RIC3: variants seen among roughly 807,000 people sequenced by gnomAD.
The protein encoded by RIC3 is protein RIC-3.
RIC3 carries 28 observed loss-of-function variants against 27.3 expected under a neutral mutation model. That is an observed-to-expected ratio of 1.02 (90% CI 0.76 to 1.41). The LOEUF (loss-of-function observed/expected upper bound fraction) is 1.41, where lower values mean the gene tolerates loss of function less well. Ranked by LOEUF, RIC3 falls within the 40% of genes most tolerant of loss-of-function variation. RIC3 has a pLI of 0.00. For synonymous variants in RIC3, 184 were observed against 160.4 expected, an observed-to-expected ratio of 1.15 and a Z score of -1.11; for missense variants, 501 against 444.7, an observed-to-expected ratio of 1.13 and a Z score of -1.14.
chr11:8,147,667 G>C (rs1313451010), intron 1 of RIC3, among the ~76,000 whole-genome samples: 3 of 151,902 alleles, frequency 2.0e-5, no homozygotes, highest in South Asian at 2.1e-4. Flanking sequence ...CCTCTGATGA[G>C]ACTTCACTGT....
chr11:8,097,937 T>C, the RIC3 span: 2 of 768,480 alleles, frequency 2.6e-6, no homozygotes, highest in Non-Finnish European at 4.3e-6. Context: ...GGATGGATAC[T>C]CTCCCAGGAT....
the RIC3 span, chr11:8,097,316 C>T: frequency 9.3e-6 from 15 of 1,614,006 alleles, no homozygotes; most frequent in East Asian, 1.6e-4. Context: ...CTGAGGCCGG[C>T]CCCCCAGGGT....
intron 5 of RIC3, among the ~76,000 whole-genome samples, chr11:8,126,185 A>G (rs1395332050): frequency 6.6e-6 from 1 of 152,250 alleles, no homozygotes; most frequent in Non-Finnish European, 1.5e-5. Flanking sequence ...GTGCAAAGCT[A>G]GGAATAACCC....
At chr11:8,154,109 A>G (rs1950470310) in intron 1 of RIC3, among the ~76,000 whole-genome samples, 1 of 152,100 alleles carries the variant, frequency 6.6e-6, no homozygotes, top group Non-Finnish European at 1.5e-5. Context: ...TTTTTTTTAC[A>G]AAAGAAAAAT....
the RIC3 span, chr11:8,095,405 C>A: frequency 7.4e-7 from 1 of 1,359,060 alleles, no homozygotes; most frequent in East Asian, 2.3e-5. Context: ...GAGGGTTTCC[C>A]CACTCTTCCC....
At chr11:8,133,335 C>T (rs967594659) in intron 4 of RIC3, among the ~76,000 whole-genome samples, 8 of 152,208 alleles carry the variant, frequency 5.3e-5, no homozygotes, top group African/African-American at 1.9e-4. Context: ...GTTATACCAA[C>T]AGAAAACATA....
chr11:8,112,909 T>C (rs1193559541), intron 5 of RIC3, among the ~76,000 whole-genome samples: 2 of 152,226 alleles, frequency 1.3e-5, no homozygotes, highest in African/African-American at 4.8e-5. Flanking sequence ...ATATGAAAAC[T>C]AGACCAAAGG....
At chr11:8,122,957 G>A (rs1053851931) in intron 5 of RIC3, among the ~76,000 whole-genome samples, 1 of 149,604 alleles carries the variant, frequency 6.7e-6, no homozygotes, top group Admixed American at 6.7e-5. Flanking sequence ...CATGGATGAT[G>A]AAATTAGCAA....
chr11:8,093,966 G>C, the RIC3 span: 2 of 1,566,952 alleles, frequency 1.3e-6, no homozygotes, highest in Non-Finnish European at 1.8e-6. Context: ...ATGCTGTGCT[G>C]GGGACTGTGT....
At chr11:8,151,236 T>C (rs1950188483) in intron 1 of RIC3, among the ~76,000 whole-genome samples, 2 of 152,160 alleles carry the variant, frequency 1.3e-5, no homozygotes, top group South Asian at 2.1e-4. Context: ...TTGCTAATCA[T>C]GTATCTGAAA....
chr11:8,157,834 C>T (rs1186053132), intron 1 of RIC3, among the ~76,000 whole-genome samples: 1 of 152,114 alleles, frequency 6.6e-6, no homozygotes, highest in African/African-American at 2.4e-5. Context: ...TATTCCATAC[C>T]CACTTACCTG....
In RIC3 at chr11:8,110,615, C is replaced by T. The variant is rs1945130373; in HGVS notation, c.*83G>A. The T allele has an allele frequency of 3.3e-6, 4 of 1,219,132 alleles. No homozygotes were observed. In the South Asian group the frequency reaches 4.8e-5, roughly 15 times the overall value. 75.5% of individuals were successfully genotyped at this position (1,219,132 alleles called of 1,614,324 possible). A position where few individuals can be genotyped will look rare whatever the true frequency, so the allele number is the denominator to read the frequency against. ...ACACTTGAACACAGTGAAGAAAGTG[C>T]AGGGCACAGGGCCAAGAAGGAAATC... On this transcript the variant is annotated 3_prime_UTR_variant, in exon 6 of 6. Coordinates refer to ENST00000309737, the MANE Select transcript of RIC3 (RefSeq NM_001206671.4).
intron 1 of RIC3, among the ~76,000 whole-genome samples, chr11:8,165,996 C>T (rs1376069228): frequency 6.6e-6 from 1 of 151,992 alleles, no homozygotes; most frequent in Non-Finnish European, 1.5e-5. Flanking sequence ...GTTATGTGGC[C>T]CAAGCTGGTC....
Position 8,107,415 on chromosome 11 carries a change from TTTTG to T in RIC3, c.*3279_*3282del, listed in dbSNP as rs1944783133. The T allele has an allele frequency of 6.6e-6, 1 of 151,978 alleles. No homozygotes were observed. The highest frequency in any genetic ancestry group is 1.5e-5 in the Non-Finnish European group (1 of 67,976). The allele number at this position is 151,978 out of a possible 1,614,324, so 9.4% of individuals were successfully genotyped here. A position where few individuals can be genotyped will look rare whatever the true frequency, so the allele number is the denominator to read the frequency against. ...AGGATATTCTAAAAAGGAAAGAGGG[TTTTG>T]TTTGTTTAGTCATCAGGTTCAAAAA... On this transcript the variant is annotated 3_prime_UTR_variant, in exon 6 of 6. Coordinates refer to ENST00000309737, the MANE Select transcript of RIC3 (RefSeq NM_001206671.4).
At chr11:8,116,375 A>G (rs560173545) in intron 5 of RIC3, among the ~76,000 whole-genome samples, 71 of 152,346 alleles carry the variant, frequency 4.7e-4, no homozygotes, top group African/African-American at 1.7e-3. Context: ...GGTCTGGACA[A>G]TGATATTTTT....
chr11:8,148,438 A>G (rs1328119285), intron 1 of RIC3, among the ~76,000 whole-genome samples: 2 of 152,236 alleles, frequency 1.3e-5, no homozygotes, highest in African/African-American at 4.8e-5. Context: ...AGAATCTATC[A>G]GGTGGCTAAT....
chr11:8,150,412 G>A (rs537481702), intron 1 of RIC3, among the ~76,000 whole-genome samples: 16 of 152,318 alleles, frequency 1.1e-4, no homozygotes, highest in African/African-American at 3.8e-4. Flanking sequence ...GTTTAAGATA[G>A]AGAAGATAAT....
downstream of RIC3, chr11:8,101,063 G>A (rs952312400): frequency 2.6e-6 from 4 of 1,563,044 alleles, no homozygotes; most frequent in South Asian, 4.6e-5. Flanking sequence ...GTAGGGTTCA[G>A]CCCACCTAGC....
At chr11:8,101,856 G>GATTCGGCAA, downstream of RIC3, 2 of 482,854 alleles carry the variant, frequency 4.1e-6, no homozygotes, top group South Asian at 3.7e-5. Flanking sequence ...TTCTTTCCAT[G>GATTCGGCAA]CCACGAGATC....
Sources: gnomAD v4.1 joint callset for allele counts (sites outside exome capture counted in the v4.1 genomes callset) on GRCh38, gnomAD v4.1.1 for gene constraint, MANE v1.5 for transcripts, NCBI Gene and HGNC (gene_info 2026-07-23, HGNC 2026-07-21) for gene names.